The following SGCD variants were observed in gnomAD, a reference collection of about 807,000 sequenced individuals.
SGCD encodes the protein sarcoglycan delta, also known as delta-sarcoglycan.
A neutral mutation model predicts 36.6 loss-of-function variants in SGCD; 18 were observed. The ratio of observed to expected loss-of-function variants is 0.49; its 90% CI spans 0.34 to 0.73. The LOEUF is 0.73. SGCD is among the 30% of genes least tolerant of loss of function. The probability of loss-of-function intolerance (pLI) is 0.01; values close to 1 mark genes in which losing one functional copy is unlikely to be tolerated. For synonymous variants in SGCD, 133 were observed against 130.6 expected, an observed-to-expected ratio of 1.02 and a Z score of -0.12; for missense variants, 387 against 346.7, an observed-to-expected ratio of 1.12 and a Z score of -0.92.
chr5:156,565,155 A>T (rs1329885417), intron 4 of SGCD, among the ~76,000 whole-genome samples: 1 of 152,206 alleles, frequency 6.6e-6, no homozygotes, highest in Non-Finnish European at 1.5e-5. Context: ...CTCCCTGTAC[A>T]TTATCATCTC....
chr5:156,419,695 T>C (rs967504247), intron 3 of SGCD, among the ~76,000 whole-genome samples: 1 of 152,174 alleles, frequency 6.6e-6, no homozygotes, highest in Non-Finnish European at 1.5e-5. Flanking sequence ...TATTTATTAG[T>C]TTCATAAGTG....
At chr5:155,946,099 C>T (rs1352548820) in intron 1 of SGCD, among the ~76,000 whole-genome samples, 1 of 152,142 alleles carries the variant, frequency 6.6e-6, no homozygotes, top group African/African-American at 2.4e-5. Flanking sequence ...TCACATTCCA[C>T]TGGGTGGCTG....
intron 3 of SGCD, among the ~76,000 whole-genome samples, chr5:156,455,449 CTTTT>C (rs33933820): frequency 6.8e-6 from 1 of 147,652 alleles, no homozygotes; most frequent in Admixed American, 6.7e-5. Context: ...ATTTCAAAGA[CTTTT>C]TTTTTTTTTC....
intron 1 of SGCD, among the ~76,000 whole-genome samples, chr5:156,044,219 A>T (rs1759709312): frequency 6.6e-6 from 1 of 152,118 alleles, no homozygotes; most frequent in Non-Finnish European, 1.5e-5. Flanking sequence ...TTCAGGTAGG[A>T]GGGAGTGAAA....
intron 2 of SGCD, among the ~76,000 whole-genome samples, chr5:156,330,075 A>T (rs1767996100): frequency 6.6e-6 from 1 of 151,452 alleles, no homozygotes; most frequent in Non-Finnish European, 1.5e-5. Flanking sequence ...TTGGTTGTAC[A>T]TGTGTTGAGC....
At chr5:156,558,102 T>TATAG in intron 4 of SGCD, among the ~76,000 whole-genome samples, 2 of 128,560 alleles carry the variant, frequency 1.6e-5, no homozygotes, top group East Asian at 1.0e-3. Flanking sequence ...TATATATATA[T>TATAG]ATATATATAT....
rs921897285 is a variant in SGCD at position 156,049,906 on chromosome 5, T to C, written c.-281-67972T>C. On this transcript the variant is annotated intron_variant, in intron 1 of 9. Coordinates refer to the SGCD transcript ENST00000517913. The stretch of plus-strand genomic sequence containing the variant: ...TAGAAGTAGAGCCTGGAGCTGTGAC[T>C]GAAGTGCTGAAATCTCATGATAAAA... 2.2e-4 allele frequency among the ~76,000 whole-genome samples: 32 copies of C among 146,556 alleles called. 3 individuals are homozygous for C. Among genetic ancestry groups the C allele is most frequent in the Non-Finnish European group, 2.0e-4 (13 of 64,950 alleles).
intron 3 of SGCD, among the ~76,000 whole-genome samples, chr5:156,484,938 A>G (rs1755590457): frequency 6.6e-6 from 1 of 152,238 alleles, no homozygotes; most frequent in African/African-American, 2.4e-5. Flanking sequence ...TATCTCCTGA[A>G]TAATAGGATT....
At chr5:155,969,151 G>A (rs1468309149) in intron 1 of SGCD, among the ~76,000 whole-genome samples, 1 of 152,110 alleles carries the variant, frequency 6.6e-6, no homozygotes, top group Non-Finnish European at 1.5e-5. Flanking sequence ...ATGCCTGTAT[G>A]TGTTAGATCT....
intron 4 of SGCD, among the ~76,000 whole-genome samples, chr5:156,546,174 A>G (rs775827277): frequency 6.6e-6 from 1 of 152,236 alleles, no homozygotes; most frequent in Non-Finnish European, 1.5e-5. Context: ...TAAGTTGACC[A>G]TGGAACACTG....
chr5:156,490,599 A>G (rs1260208021), intron 3 of SGCD, among the ~76,000 whole-genome samples: 4 of 152,140 alleles, frequency 2.6e-5, no homozygotes, highest in Non-Finnish European at 5.9e-5. Flanking sequence ...AATGAAGGAC[A>G]GAAACTATAT....
intron 1 of SGCD, among the ~76,000 whole-genome samples, chr5:156,087,912 G>A (rs936184710): frequency 6.6e-6 from 1 of 152,160 alleles, no homozygotes; most frequent in Non-Finnish European, 1.5e-5. Context: ...TTTGTCCAGT[G>A]TCCCTGAGCC....
intron 3 of SGCD, among the ~76,000 whole-genome samples, chr5:156,419,042 T>C (rs1773178376): frequency 1.3e-5 from 2 of 152,310 alleles, no homozygotes; most frequent in South Asian, 4.1e-4. Flanking sequence ...TTTGTTAGTT[T>C]ATTGCACACA....
At chr5:155,768,817 G>A in the SGCD span, among the ~76,000 whole-genome samples, 18 of 152,014 alleles carry the variant, frequency 1.2e-4, no homozygotes, top group Non-Finnish European at 2.2e-4. Flanking sequence ...AGGCTTATGC[G>A]GCTCAGTGAA....
At chr5:156,293,811 C>T (rs1187718480) in intron 3 of SGCD, among the ~76,000 whole-genome samples, 1 of 151,872 alleles carries the variant, frequency 6.6e-6, no homozygotes, top group Non-Finnish European at 1.5e-5. Context: ...CTTAAGGTTC[C>T]ATGTGAATTC....
At chr5:156,376,284 T>C (rs977799632) in intron 3 of SGCD, among the ~76,000 whole-genome samples, 1 of 152,200 alleles carries the variant, frequency 6.6e-6, no homozygotes, top group Non-Finnish European at 1.5e-5. Flanking sequence ...CAAAGAATTG[T>C]AGGGGAAATT....
At chr5:156,453,912 C>A (rs1754138308) in intron 3 of SGCD, among the ~76,000 whole-genome samples, 1 of 152,116 alleles carries the variant, frequency 6.6e-6, no homozygotes, top group Admixed American at 6.6e-5. Flanking sequence ...GAAAACTAAT[C>A]TACGATAAGA....
At chr5:156,436,103 C>G (rs1753232611) in intron 3 of SGCD, among the ~76,000 whole-genome samples, 1 of 152,174 alleles carries the variant, frequency 6.6e-6, no homozygotes, top group African/African-American at 2.4e-5. Flanking sequence ...GTTCACCTGT[C>G]ACTCACCGGG....
At chr5:156,678,003 G>C (rs1156239750) in intron 7 of SGCD, among the ~76,000 whole-genome samples, 1 of 152,156 alleles carries the variant, frequency 6.6e-6, no homozygotes, top group East Asian at 1.9e-4. Flanking sequence ...CTAAGCCAGT[G>C]ATTCCCAATG....
Sources: gnomAD v4.1 joint callset for allele counts (sites outside exome capture counted in the v4.1 genomes callset) on GRCh38, gnomAD v4.1.1 for gene constraint, MANE v1.5 for transcripts, NCBI Gene and HGNC (gene_info 2026-07-23, HGNC 2026-07-21) for gene names.